FSTL4: variants seen among roughly 807,000 people sequenced by gnomAD.
FSTL4 encodes the protein follistatin like 4.
FSTL4 carries 28 observed loss-of-function variants against 78.2 expected under a neutral mutation model. The ratio of observed to expected loss-of-function variants is 0.36; its 90% CI spans 0.27 to 0.49. FSTL4 has a LOEUF of 0.49. Ranked by LOEUF, FSTL4 falls within the 20% of genes least tolerant of loss-of-function variation. FSTL4 has a pLI of 0.98. For missense variants in FSTL4, 922 were observed against 1,084.9 expected, an observed-to-expected ratio of 0.85 and a Z score of 2.11; for synonymous variants, 422 against 440.5, an observed-to-expected ratio of 0.96 and a Z score of 0.53.
At chr5:133,691,090 C>T in the FSTL4 span, among the ~76,000 whole-genome samples, 7 of 152,268 alleles carry the variant, frequency 4.6e-5, no homozygotes, top group East Asian at 1.9e-4. Context: ...TTTACCACAT[C>T]GGTTTTTCAG....
chr5:133,447,206 G>A (rs1246005325), intron 3 of FSTL4, among the ~76,000 whole-genome samples: 1 of 152,334 alleles, frequency 6.6e-6, no homozygotes, highest in Non-Finnish European at 1.5e-5. Flanking sequence ...TGTGACAGCC[G>A]GGGAAGTCAA....
rs769211685 is a variant in FSTL4 at position 133,312,710 on chromosome 5, A to G, written c.671T>C (p.Phe224Ser). The G allele has an allele frequency of 1.2e-6, 2 of 1,614,032 alleles. No individual in the cohort carries two copies. The highest frequency in any genetic ancestry group is 3.3e-5 in the Admixed American group (2 of 60,032). Residue 224 changes from phenylalanine to serine, a missense_variant, in exon 6 of 16, where the codon TTT becomes TCT. Phe to Ser is a radical substitution (Grantham distance 155). Coordinates refer to ENST00000265342, the MANE Select transcript of FSTL4 (RefSeq NM_015082.2). Reference sequence around the variant, plus strand: ...GGAGCTGTCACTGTTGTAATCGTCAAATCGGAGGAGGTCACCTGGTGAGCA... The same window carrying G: ...GGAGCTGTCACTGTTGTAATCGTCAGATCGGAGGAGGTCACCTGGTGAGCA... ...LGCSPGDLLR[F>S]DDYNSDSSLT...
At chr5:133,268,646 C>T (rs1752695223) in intron 6 of FSTL4, among the ~76,000 whole-genome samples, 1 of 152,104 alleles carries the variant, frequency 6.6e-6, no homozygotes. Flanking sequence ...AGGGAGTGAG[C>T]TGTTTCATTT....
intron 4 of FSTL4, chr5:133,387,829 C>G (rs774642379): frequency 1.3e-5 from 2 of 152,072 alleles, no homozygotes; most frequent in Non-Finnish European, 2.9e-5. Context: ...GATGAAGGCA[C>G]GGGGAGGCCC....
the FSTL4 span, among the ~76,000 whole-genome samples, chr5:133,696,703 T>G: frequency 6.6e-6 from 1 of 152,130 alleles, no homozygotes; most frequent in Non-Finnish European, 1.5e-5. Flanking sequence ...CTCCAGTTCA[T>G]CTGGATTAGG....
chr5:133,792,734 GA>G, the FSTL4 span, among the ~76,000 whole-genome samples: 1 of 152,174 alleles, frequency 6.6e-6, no homozygotes, highest in Non-Finnish European at 1.5e-5. Context: ...ATGGAAAGTC[GA>G]AGGAGAGGAA....
the FSTL4 span, among the ~76,000 whole-genome samples, chr5:133,754,990 G>A: frequency 1.1e-4 from 16 of 151,872 alleles, no homozygotes; most frequent in Non-Finnish European, 2.2e-4. Context: ...CTTCCTTCAA[G>A]ACCCAGCTCT....
the FSTL4 span, among the ~76,000 whole-genome samples, chr5:133,639,332 C>T: frequency 1.3e-5 from 2 of 152,150 alleles, no homozygotes; most frequent in Non-Finnish European, 2.9e-5. Flanking sequence ...TGGCAGTAGT[C>T]GGTGCTCTAT....
intron 3 of FSTL4, among the ~76,000 whole-genome samples, chr5:133,428,686 C>T (rs984616929): frequency 6.6e-6 from 1 of 152,240 alleles, no homozygotes; most frequent in Admixed American, 6.5e-5. Context: ...CTCCTGTCCT[C>T]ACTCTCTGCA....
the FSTL4 span, among the ~76,000 whole-genome samples, chr5:133,684,570 G>A: frequency 6.6e-6 from 1 of 152,108 alleles, no homozygotes; most frequent in Admixed American, 6.5e-5. Context: ...TTAATGCTTG[G>A]CAGACAGAGT....
chr5:133,395,883 C>A lies in FSTL4; in HGVS notation c.409+4855G>T, dbSNP rs189798242. Among the ~76,000 whole-genome samples the A allele has an allele frequency of 3.3e-5, 5 of 152,186 alleles. No individual in the cohort carries two copies. The East Asian group carries it at 9.7e-4, about 29-fold the overall frequency. ...GCTCCACTGGCATTTCCTGAGAGCC[C>A]GGAGGTACATTCTAGGAGCTTTGTC... On this transcript the variant is annotated intron_variant, in intron 4 of 15. Coordinates refer to ENST00000265342, the MANE Select transcript of FSTL4 (RefSeq NM_015082.2).
the FSTL4 span, among the ~76,000 whole-genome samples, chr5:133,756,965 T>C: frequency 1.3e-5 from 2 of 152,176 alleles, no homozygotes; most frequent in African/African-American, 4.8e-5. Flanking sequence ...AATGGTCTCA[T>C]GTGAAGCCCC....
At chr5:133,654,601 A>G in the FSTL4 span, among the ~76,000 whole-genome samples, 2 of 152,296 alleles carry the variant, frequency 1.3e-5, no homozygotes, top group Middle Eastern at 3.4e-3. Context: ...TGATGCCTTC[A>G]TGCTACCTTT....
chr5:133,424,825 A>G (rs779078979), intron 3 of FSTL4, among the ~76,000 whole-genome samples: 1 of 152,218 alleles, frequency 6.6e-6, no homozygotes, highest in African/African-American at 2.4e-5. Context: ...ATGGGAGAAT[A>G]AGCCTTTCCC....
chr5:133,488,849 C>T (rs1352104927), intron 3 of FSTL4, among the ~76,000 whole-genome samples: 1 of 152,134 alleles, frequency 6.6e-6, no homozygotes, highest in African/African-American at 2.4e-5. Flanking sequence ...CCCCTCACCC[C>T]TCCCACTGCC....
At chr5:133,529,869 T>G (rs541704962) in intron 3 of FSTL4, among the ~76,000 whole-genome samples, 1 of 148,420 alleles carries the variant, frequency 6.7e-6, no homozygotes, top group South Asian at 2.1e-4. Context: ...TGTTTCGGGT[T>G]TTTTTTTTTT....
At chr5:133,559,241 T>C (rs948350580) in intron 3 of FSTL4, among the ~76,000 whole-genome samples, 16 of 152,242 alleles carry the variant, frequency 1.1e-4, no homozygotes, top group Non-Finnish European at 2.2e-4. Context: ...AGCACATTAA[T>C]ATGCTGGGGC....
At chr5:133,291,448 G>A (rs1461878240) in intron 6 of FSTL4, among the ~76,000 whole-genome samples, 1 of 152,186 alleles carries the variant, frequency 6.6e-6, no homozygotes, top group Non-Finnish European at 1.5e-5. Context: ...TTTATCTACA[G>A]CTGCCTCACG....
chr5:133,342,829 C>T (rs1201764438), intron 4 of FSTL4, among the ~76,000 whole-genome samples: 1 of 152,198 alleles, frequency 6.6e-6, no homozygotes, highest in Non-Finnish European at 1.5e-5. Context: ...TGGTCGTTTG[C>T]CTTCACGCTG....
Sources: gnomAD v4.1 joint callset for allele counts (sites outside exome capture counted in the v4.1 genomes callset) on GRCh38, gnomAD v4.1.1 for gene constraint, MANE v1.5 for transcripts, NCBI Gene and HGNC (gene_info 2026-07-23, HGNC 2026-07-21) for gene names.